Variants in GPR146 observed in about 807,000 individuals in gnomAD.
GPR146 encodes the protein G protein-coupled receptor 146, also known as G-protein coupled receptor 146.
For missense variants in GPR146, 381 were observed against 213.9 expected (o/e 1.78, Z -4.87); for synonymous variants, 203 against 104.3 (o/e 1.95, Z -5.77).
chr7:1,058,052 C>G lies in GPR146; in HGVS notation c.537C>G (p.Ala179=), dbSNP rs1784042879. The part of the protein sequence containing the change: ...SHVSTRALEC[A]KMQNAEAADA... ...TGTCCACCCGCGCGCTAGAGTGCGC[C>G]AAGATGCAGAACGCAGAAGCTGCCG... is the stretch of plus-strand genomic sequence containing the variant. The change falls in exon 2 of 2, where the codon GCC becomes GCG. Residue 179 remains alanine, a synonymous_variant. Transcript: ENST00000444847. The G allele has an allele frequency of 1.3e-6, 1 of 768,416 alleles. No individual in the cohort carries two copies. The highest frequency in any genetic ancestry group is 2.4e-6 in the Non-Finnish European group (1 of 417,980). 47.6% of individuals were successfully genotyped at this position (768,416 alleles called of 1,614,324 possible). A position where few individuals can be genotyped will look rare whatever the true frequency, so the allele number is the denominator to read the frequency against.
At chr7:1,054,239 A>T (rs754778692) in intron 1 of GPR146, among the ~76,000 whole-genome samples, 1 of 152,208 alleles carries the variant, frequency 6.6e-6, no homozygotes, top group Admixed American at 6.5e-5. Flanking sequence ...TCACCTTCCA[A>T]CCGGCGGAGA....
chr7:1,055,478 G>C (rs1228104539), intron 1 of GPR146: 2 of 457,850 alleles, frequency 4.4e-6, no homozygotes, highest in African/African-American at 4.0e-5. Context: ...GGGCCACAAA[G>C]TAAAGGTGAG....
chr7:1,049,670 G>A (rs930377737), intron 1 of GPR146, among the ~76,000 whole-genome samples: 1 of 152,200 alleles, frequency 6.6e-6, no homozygotes, highest in Non-Finnish European at 1.5e-5. Context: ...CCTATTAGCA[G>A]GCTTACTACG....
intron 1 of GPR146, among the ~76,000 whole-genome samples, chr7:1,049,150 C>A (rs939556896): frequency 4.6e-5 from 7 of 152,242 alleles, no homozygotes; most frequent in East Asian, 1.9e-4. Context: ...CGTTGGCCAG[C>A]AGTGTGGGGT....
At position 1,055,173 on chromosome 7, in the gene GPR146, G is replaced by A. The variant is rs372489990; in HGVS notation, c.-24-2319G>A. On this transcript the variant is annotated intron_variant, in intron 1 of 1. Coordinates refer to ENST00000444847, the MANE Select transcript of GPR146 (RefSeq NM_001303473.2). ...TGTGCTCAGTTTGCAGTGCGGTCCCGTCCAAGCACGGCCCCTCGTTTCTGG... is the reference window on the plus strand; with the variant it reads ...TGTGCTCAGTTTGCAGTGCGGTCCCATCCAAGCACGGCCCCTCGTTTCTGG... 1,222 of 463,508 alleles carry A rather than the reference G, an allele frequency of 2.6e-3. 26 individuals carry two copies. Among genetic ancestry groups the A allele is most frequent in the South Asian group, 0.018 (1,175 of 63,680 alleles). The allele number at this position is 463,508 out of a possible 1,614,324, so 28.7% of individuals were successfully genotyped here.
intron 1 of GPR146, among the ~76,000 whole-genome samples, chr7:1,048,061 G>C (rs1484487832): frequency 3.3e-5 from 5 of 152,174 alleles, no homozygotes; most frequent in African/African-American, 4.8e-5. Context: ...GGAGGGGTGT[G>C]GAGACAGTGG....
chr7:1,050,867 G>A (rs73048383), intron 1 of GPR146, among the ~76,000 whole-genome samples: 4 of 152,310 alleles, frequency 2.6e-5, no homozygotes, highest in East Asian at 1.9e-4. Flanking sequence ...AAGGCTTGAC[G>A]CGCAGGGGGT....
intron 1 of GPR146, among the ~76,000 whole-genome samples, chr7:1,051,730 T>C (rs1381306437): frequency 6.6e-6 from 1 of 152,132 alleles, no homozygotes; most frequent in African/African-American, 2.4e-5. Flanking sequence ...TCCCAGCACT[T>C]TGGGAGACTG....
In GPR146 at chr7:1,052,250, G is replaced by A. The variant is rs1294286184; in HGVS notation, c.-24-5242G>A. Among the ~76,000 whole-genome samples the A allele has an allele frequency of 1.3e-5, 2 of 152,260 alleles. No homozygotes were observed. The highest frequency in any genetic ancestry group is 2.4e-5 in the African/African-American group (1 of 41,474). ...TCTGAGCAGGCGCCTGCGTCGAGGC[G>A]TGCCCTCCTGAGAGGCAAGGCTGAC... On this transcript the variant is annotated intron_variant, in intron 1 of 1. Coordinates refer to ENST00000444847, the MANE Select transcript of GPR146 (RefSeq NM_001303473.2). This position sits in a 1 kb window ranked among gnomAD's most constrained non-coding sequence, Gnocchi z 4.2.
chr7:1,049,039 C>T (rs1012613530), intron 1 of GPR146, among the ~76,000 whole-genome samples: 3 of 151,998 alleles, frequency 2.0e-5, no homozygotes, highest in South Asian at 2.1e-4. Context: ...CCCAGGCCTC[C>T]GCTGTCTGAG....
At position 1,052,664 on chromosome 7, in the gene GPR146, C is replaced by T. The variant is rs1286559148; in HGVS notation, c.-24-4828C>T. ...GTGGGGCTGGCCTGGAGGAGAGGCC[C>T]ACAGGGTCCCTGCTGGCTGAGGGTG... On this transcript the variant is annotated intron_variant, in intron 1 of 1. Coordinates refer to ENST00000444847, the MANE Select transcript of GPR146 (RefSeq NM_001303473.2). This position sits in a 1 kb window ranked among gnomAD's most constrained non-coding sequence, Gnocchi z 4.2. Among the ~76,000 whole-genome samples, 1 of 152,166 alleles carries T rather than the reference C, an allele frequency of 6.6e-6. No individual in the cohort carries two copies. The highest frequency in any genetic ancestry group is 1.9e-4 in the East Asian group (1 of 5,148).
chr7:1,048,056 G>T (rs1213810502), intron 1 of GPR146, among the ~76,000 whole-genome samples: 3 of 152,170 alleles, frequency 2.0e-5, no homozygotes, highest in African/African-American at 7.2e-5. Context: ...CTGGCGGAGG[G>T]GTGTGGAGAC....
At chr7:1,046,962 G>C (rs570399357) in intron 1 of GPR146, among the ~76,000 whole-genome samples, 2 of 152,204 alleles carry the variant, frequency 1.3e-5, no homozygotes, top group Non-Finnish European at 1.5e-5. Flanking sequence ...ACCGGGGCTC[G>C]ACTGAGGAGC....
intron 1 of GPR146, among the ~76,000 whole-genome samples, chr7:1,053,233 C>T (rs1783319211): frequency 1.3e-5 from 2 of 152,246 alleles, no homozygotes; most frequent in African/African-American, 2.4e-5. Context: ...GCCAGGCTCC[C>T]ACAGAACCCC....
At position 1,052,970 on chromosome 7, in the gene GPR146, C is replaced by T. The variant is rs1783282288; in HGVS notation, c.-24-4522C>T. Among the ~76,000 whole-genome samples, 1 of 152,126 alleles carries T rather than the reference C, an allele frequency of 6.6e-6. No individual in the cohort carries two copies. Among genetic ancestry groups the T allele is most frequent in the Admixed American group, 6.5e-5 (1 of 15,278 alleles). On this transcript the variant is annotated intron_variant, in intron 1 of 1. Transcript: ENST00000444847. The surrounding 1 kb of genome is among the most constrained non-coding windows in gnomAD (Gnocchi z 4.2). Reference sequence around the variant, plus strand: ...GCTCATCTGGGCTTTCTCTCCCAGCCTCTAAGTCTCCCATCACCTGGCTCC... The same window carrying T: ...GCTCATCTGGGCTTTCTCTCCCAGCTTCTAAGTCTCCCATCACCTGGCTCC...
At chr7:1,054,625 G>A (rs747309469) in intron 1 of GPR146, among the ~76,000 whole-genome samples, 6 of 152,194 alleles carry the variant, frequency 3.9e-5, no homozygotes, top group Non-Finnish European at 8.8e-5. Context: ...TTGGCCTCAC[G>A]GCGGGGCAGG....
Position 1,057,810 on chromosome 7 carries a change from G to A in GPR146, c.295G>A (p.Gly99Ser), listed in dbSNP as rs781755519. The A allele has an allele frequency of 1.2e-5, 9 of 776,214 alleles. No homozygotes were observed. Among genetic ancestry groups the A allele is most frequent in the South Asian group, 2.7e-5 (2 of 74,544 alleles). 48.1% of individuals were successfully genotyped at this position (776,214 alleles called of 1,614,324 possible). A position where few individuals can be genotyped will look rare whatever the true frequency, so the allele number is the denominator to read the frequency against. The stretch of plus-strand genomic sequence containing the variant: ...CCGGTGGGCGCTGTGGAGTGTGGGC[G>A]GCGAAGTCCACGTGGCACTGCAGAT... ...SSRWALWSVGGEVHVALQIPF... is the reference protein window; with the variant it reads ...SSRWALWSVGSEVHVALQIPF... Residue 99 changes from glycine (G) to serine (S), a missense_variant, in exon 2 of 2, where the codon GGC (glycine) becomes AGC (serine). Gly to Ser is a moderately conservative substitution (Grantham distance 56, BLOSUM62 0). Coordinates refer to ENST00000444847, the MANE Select transcript of GPR146 (RefSeq NM_001303473.2).
intron 1 of GPR146, among the ~76,000 whole-genome samples, chr7:1,046,916 G>C (rs1782633682): frequency 6.6e-6 from 1 of 152,238 alleles, no homozygotes; most frequent in South Asian, 2.1e-4. Flanking sequence ...CTGCGGCTCA[G>C]AGCACTTCCC....
chr7:1,056,605 TC>T (rs1238456589), intron 1 of GPR146: 2 of 152,682 alleles, frequency 1.3e-5, no homozygotes, highest in African/African-American at 2.4e-5. Flanking sequence ...AGCCTCCTCT[TC>T]CCGCCCTGCT....
Sources: allele counts gnomAD v4.1 joint callset (sites outside exome capture counted in the v4.1 genomes callset), GRCh38; gene constraint gnomAD v4.1.1; non-coding constraint Gnocchi (gnomAD v3.1); transcripts MANE v1.5; gene names NCBI Gene and HGNC (gene_info 2026-07-23, HGNC 2026-07-21).